SHANK2: variants seen among roughly 807,000 people sequenced by gnomAD.
SHANK2 encodes the protein SH3 and multiple ankyrin repeat domains 2.
Under a neutral mutation model 133.7 loss-of-function variants are expected in SHANK2, and 43 were observed. That is an observed-to-expected ratio of 0.32 (90% CI 0.25 to 0.41). The LOEUF is 0.41. Among genes scored for constraint, SHANK2 ranks in the 10% least tolerant of loss-of-function variants. SHANK2 has a pLI of 1.00. For synonymous variants in SHANK2, 1,017 were observed against 952.8 expected (o/e 1.07, Z -1.24); for missense variants, 1,994 against 2,235.8 (o/e 0.89, Z 2.18).
intron 2 of SHANK2, among the ~76,000 whole-genome samples, chr11:71,199,324 T>C (rs1273234801): frequency 1.3e-5 from 2 of 152,206 alleles, no homozygotes; most frequent in African/African-American, 2.4e-5. Context: ...CATATTAAAA[T>C]AGAAGACTCA....
chr11:70,932,946 A>T (rs1278826799), intron 10 of SHANK2, among the ~76,000 whole-genome samples: 1 of 152,228 alleles, frequency 6.6e-6, no homozygotes, highest in Non-Finnish European at 1.5e-5. Context: ...CCTATGGAAA[A>T]CAGTACAGCC....
intron 11 of SHANK2, among the ~76,000 whole-genome samples, chr11:70,885,999 A>C (rs1377996554): frequency 6.6e-6 from 1 of 152,172 alleles, no homozygotes; most frequent in Non-Finnish European, 1.5e-5. Context: ...AGCTGACATG[A>C]AAATGACACC....
At chr11:71,056,665 G>A (rs1288089182) in intron 9 of SHANK2, 107 bp from the exon 10 acceptor site, 3 of 152,204 alleles carry the variant, frequency 2.0e-5, no homozygotes, top group Admixed American at 1.3e-4. Context: ...AAACAGAAGT[G>A]CACAGTTAAA....
Position 70,806,978 on chromosome 11 carries a change from G to A in SHANK2, c.1663+24C>T, listed in dbSNP as rs191932800. 59 of 714,262 alleles carry A rather than the reference G, an allele frequency of 8.3e-5. No individual in the cohort carries two copies. The Middle Eastern group carries it at 1.2e-3, about 14-fold the overall frequency. 44.2% of individuals were successfully genotyped at this position (714,262 alleles called of 1,614,324 possible). On this transcript the variant is annotated intron_variant, in intron 13 of 25. Coordinates refer to ENST00000601538, the MANE Select transcript of SHANK2 (RefSeq NM_012309.5). ...CCCAGCCTGACCTCACTCCAGGAGCGGAGGACAACCAGCAGACACTGACCT... is the reference window on the plus strand; with the variant it reads ...CCCAGCCTGACCTCACTCCAGGAGCAGAGGACAACCAGCAGACACTGACCT...
intron 17 of SHANK2, chr11:70,646,317 C>T (rs2061260393): frequency 6.6e-6 from 1 of 152,276 alleles, no homozygotes; most frequent in African/African-American, 2.4e-5. Flanking sequence ...GCTTGTGTCC[C>T]AAGTGCAGCA....
At chr11:70,566,952 C>T (rs1285448005) in intron 17 of SHANK2, among the ~76,000 whole-genome samples, 1 of 152,210 alleles carries the variant, frequency 6.6e-6, no homozygotes, top group African/African-American at 2.4e-5. Flanking sequence ...CACAAAGCGG[C>T]TAAACACGAT....
intron 14 of SHANK2, among the ~76,000 whole-genome samples, chr11:70,714,243 G>A (rs1945860792): frequency 6.6e-6 from 1 of 152,234 alleles, no homozygotes; most frequent in African/African-American, 2.4e-5. Context: ...TGAGGACACG[G>A]AGGAGAAGGA....
chr11:71,102,548 T>C (rs1555096857), intron 6 of SHANK2, among the ~76,000 whole-genome samples: 1 of 152,236 alleles, frequency 6.6e-6, no homozygotes, highest in Non-Finnish European at 1.5e-5. Flanking sequence ...CAGACTCTGC[T>C]GTCCCCTGGG....
At chr11:71,178,230 C>A (rs1953483612) in intron 2 of SHANK2, among the ~76,000 whole-genome samples, 1 of 152,230 alleles carries the variant, frequency 6.6e-6, no homozygotes, top group South Asian at 2.1e-4. Flanking sequence ...TCTATTCATA[C>A]AGTGGAATAA....
chr11:70,491,802 T>C (rs1440377506), intron 22 of SHANK2, among the ~76,000 whole-genome samples: 2 of 152,166 alleles, frequency 1.3e-5, no homozygotes, highest in African/African-American at 4.8e-5. Flanking sequence ...CCTGACTGCC[T>C]AGGGAAGGTG....
intron 11 of SHANK2, among the ~76,000 whole-genome samples, chr11:70,889,200 G>A (rs946748952): frequency 1.2e-4 from 18 of 152,116 alleles, no homozygotes; most frequent in Non-Finnish European, 1.9e-4. Context: ...ACTGGAGTCC[G>A]TATAAGGGAA....
In SHANK2 at chr11:71,206,927, A is replaced by G. The variant is rs193098905; in HGVS notation, c.-13+17770T>C. ...CCTGGTCTCTACAAAAAGTCAAAGT[A>G]AAAAAAAGATTAGCCAGGCATGGTT... On this transcript the variant is annotated intron_variant, in intron 2 of 25. Transcript: ENST00000601538. Among the ~76,000 whole-genome samples, 42 of 151,966 alleles carry G rather than the reference A, an allele frequency of 2.8e-4. 1 individual carries two copies. Among genetic ancestry groups the G allele is most frequent in the South Asian group, 6.2e-4 (3 of 4,814 alleles).
intron 14 of SHANK2, among the ~76,000 whole-genome samples, chr11:70,717,560 C>T (rs2015582): frequency 0.36 from 55,033 of 152,154 alleles, 11,025 homozygotes; most frequent in Non-Finnish European, 0.46. Flanking sequence ...ATTGCCACCC[C>T]GTCTCACCAA....
chr11:70,748,405 C>A (rs1555036743), intron 14 of SHANK2, among the ~76,000 whole-genome samples: 1 of 152,152 alleles, frequency 6.6e-6, no homozygotes, highest in Non-Finnish European at 1.5e-5. Flanking sequence ...GGACCGTCCC[C>A]TGCCCACCCC....
At chr11:70,714,380 C>T (rs1213293381) in intron 14 of SHANK2, among the ~76,000 whole-genome samples, 1 of 152,232 alleles carries the variant, frequency 6.6e-6, no homozygotes, top group Non-Finnish European at 1.5e-5. Flanking sequence ...GTTTCTGTTT[C>T]TCCCAGCCAG....
intron 17 of SHANK2, among the ~76,000 whole-genome samples, chr11:70,607,742 T>C (rs12795850): frequency 0.52 from 79,817 of 152,204 alleles, 21,121 homozygotes; most frequent in East Asian, 0.63. Context: ...GAGCAGGCAG[T>C]GGCCAGCTCT....
At chr11:70,782,468 C>T (rs1047731385) in intron 14 of SHANK2, among the ~76,000 whole-genome samples, 3 of 152,192 alleles carry the variant, frequency 2.0e-5, no homozygotes, top group African/African-American at 4.8e-5. Context: ...GGGTCCCAGT[C>T]GAGCTGCCCT....
chr11:71,218,768 A>C (rs1555120556), intron 2 of SHANK2, among the ~76,000 whole-genome samples: 1 of 152,198 alleles, frequency 6.6e-6, no homozygotes, highest in African/African-American at 2.4e-5. Context: ...CACAAGTTGC[A>C]GTGGCAGCAT....
intron 21 of SHANK2, among the ~76,000 whole-genome samples, chr11:70,495,407 T>C (rs1224206387): frequency 6.6e-6 from 1 of 152,242 alleles, no homozygotes; most frequent in East Asian, 1.9e-4. Flanking sequence ...GACCAGGTGA[T>C]GCTTGGGTGA....
Sources: gnomAD v4.1 joint callset for allele counts (sites outside exome capture counted in the v4.1 genomes callset) on GRCh38, gnomAD v4.1.1 for gene constraint, MANE v1.5 for transcripts, NCBI Gene and HGNC (gene_info 2026-07-23, HGNC 2026-07-21) for gene names.